CALCOCO2: variants seen among roughly 807,000 people sequenced by gnomAD.
CALCOCO2 encodes calcium binding and coiled-coil domain 2, also known as calcium-binding and coiled-coil domain-containing protein 2.
CALCOCO2 carries 42 observed loss-of-function variants against 62.5 expected under a neutral mutation model. The observed-to-expected ratio is 0.67, with a 90% CI of 0.53 to 0.87. The LOEUF (loss-of-function observed/expected upper bound fraction) is 0.87, where lower values mean the gene tolerates loss of function less well. Among genes scored for constraint, CALCOCO2 ranks in the 40% least tolerant of loss-of-function variants. The pLI is 0.00. For synonymous variants in CALCOCO2, 167 were observed against 173.0 expected, an observed-to-expected ratio of 0.97 and a Z score of 0.27; for missense variants, 456 against 515.0, an observed-to-expected ratio of 0.89 and a Z score of 1.11.
intron 1 of CALCOCO2, among the ~76,000 whole-genome samples, chr17:48,832,461 T>C (rs2039828543): frequency 6.6e-6 from 1 of 152,254 alleles, no homozygotes; most frequent in Non-Finnish European, 1.5e-5. Flanking sequence ...TCCTTAATTA[T>C]TTTTAGATGA....
At chr17:48,836,343 A>C (rs2039890094) in intron 1 of CALCOCO2, among the ~76,000 whole-genome samples, 2 of 152,212 alleles carry the variant, frequency 1.3e-5, no homozygotes, top group Admixed American at 6.5e-5. Flanking sequence ...TTTAGAAAAG[A>C]GAAAGCTGAG....
intron 7 of CALCOCO2, 115 bp from the exon 8 acceptor site, chr17:48,852,384 TCAGTTGG>T (rs2040146273): frequency 1.3e-6 from 1 of 770,040 alleles, no homozygotes; most frequent in Non-Finnish European, 2.1e-6. Flanking sequence ...CTAATTTTAC[TCAGTTGG>T]CAGTTGGGAG....
At chr17:48,833,072 G>C (rs895207661) in intron 1 of CALCOCO2, among the ~76,000 whole-genome samples, 2 of 152,140 alleles carry the variant, frequency 1.3e-5, no homozygotes, top group African/African-American at 2.4e-5. Context: ...CAAATGGCTC[G>C]ATAATTTGAA....
Position 48,851,825 on chromosome 17 carries a change from T to A in CALCOCO2, c.702+197T>A, listed in dbSNP as rs372462932. 228 of 395,644 alleles carry A rather than the reference T, an allele frequency of 5.8e-4. 1 individual carries two copies. The highest frequency in any genetic ancestry group is 7.9e-4 in the African/African-American group (37 of 46,560). 24.5% of individuals were successfully genotyped at this position (395,644 alleles called of 1,614,324 possible). The stretch of plus-strand genomic sequence containing the variant: ...TCCACCCTACCCATGCCCCTGCTTT[T>A]AAAAAAAAAAAAATCATGATTCACA... On this transcript the variant is annotated intron_variant, in intron 7 of 12. Coordinates refer to ENST00000258947, the MANE Select transcript of CALCOCO2 (RefSeq NM_005831.5).
rs1213040927 is a variant in CALCOCO2 at position 48,863,345 on chromosome 17, G to A, written c.*340G>A. 1 of 291,732 alleles carries A rather than the reference G, an allele frequency of 3.4e-6. No homozygotes were observed. Among genetic ancestry groups the A allele is most frequent in the Non-Finnish European group, 6.8e-6 (1 of 147,806 alleles). 18.1% of individuals were successfully genotyped at this position (291,732 alleles called of 1,614,324 possible). On this transcript the variant is annotated 3_prime_UTR_variant, in exon 13 of 13. Transcript: ENST00000258947. Reference sequence around the variant, plus strand: ...TGATACTAAGTGATTAGTTTTCCAAGTTGTCCCACTGCCATTCAAAGTCAG... The same window carrying A: ...TGATACTAAGTGATTAGTTTTCCAAATTGTCCCACTGCCATTCAAAGTCAG...
At chr17:48,846,525 GT>G in intron 2 of CALCOCO2, 2 of 1,331,698 alleles carry the variant, frequency 1.5e-6, no homozygotes, top group Non-Finnish European at 2.1e-6. Context: ...GTGGCTAGAA[GT>G]TGTTTCCCTG....
intron 2 of CALCOCO2, among the ~76,000 whole-genome samples, chr17:48,845,066 G>A (rs2040028111): frequency 6.6e-6 from 1 of 151,984 alleles, no homozygotes; most frequent in South Asian, 2.1e-4. Context: ...AACCCAAGAG[G>A]CAGAGGTTGC....
chr17:48,846,223 G>A (rs1309016949), intron 2 of CALCOCO2: 10 of 560,316 alleles, frequency 1.8e-5, no homozygotes, highest in Admixed American at 6.7e-5. Context: ...TGCAACCTCT[G>A]CCTCCTGGGT....
At chr17:48,850,036 C>T (rs995966214) in intron 5 of CALCOCO2, among the ~76,000 whole-genome samples, 17 of 151,780 alleles carry the variant, frequency 1.1e-4, no homozygotes, top group African/African-American at 4.1e-4. Flanking sequence ...CGTGGTGGCT[C>T]ATGCCTGTAA....
chr17:48,849,415 G>A, intron 5 of CALCOCO2, 38 bp downstream of exon 5: 1 of 1,589,418 alleles, frequency 6.3e-7, no homozygotes, highest in Non-Finnish European at 8.6e-7. Context: ...GGAGCATGGA[G>A]ATCAGAATTG....
At chr17:48,858,058 A>ATAGAATAGAATAGAG in intron 10 of CALCOCO2, among the ~76,000 whole-genome samples, 1 of 143,408 alleles carries the variant, frequency 7.0e-6, no homozygotes, top group Middle Eastern at 3.6e-3. Flanking sequence ...ATAGAATAGA[A>ATAGAATAGAATAGAG]TAGAATAGAA....
At chr17:48,845,589 C>T (rs1404610445) in intron 2 of CALCOCO2, among the ~76,000 whole-genome samples, 4 of 151,424 alleles carry the variant, frequency 2.6e-5, no homozygotes, top group African/African-American at 4.9e-5. Flanking sequence ...ATTAGCCAGG[C>T]GTGGTGGCAC....
chr17:48,835,138 A>G (rs554253679), intron 1 of CALCOCO2, among the ~76,000 whole-genome samples: 13 of 152,314 alleles, frequency 8.5e-5, no homozygotes, highest in Admixed American at 8.5e-4. Flanking sequence ...TAATTTCCCA[A>G]GCCATTGTTG....
chr17:48,858,051 GAATAGAATAGAATAGAA>G (rs2040264679), intron 10 of CALCOCO2, among the ~76,000 whole-genome samples: 1 of 120,870 alleles, frequency 8.3e-6, no homozygotes, highest in Non-Finnish European at 1.8e-5. Flanking sequence ...ATAGAAAATA[GAATAGAATAGAATAGAA>G]TAGAATTTTA....
chr17:48,858,046 A>ATAGAATAGAG, intron 10 of CALCOCO2, among the ~76,000 whole-genome samples: 5 of 40,046 alleles, frequency 1.2e-4, no homozygotes, highest in Admixed American at 3.2e-4. Flanking sequence ...ATAGAATAGA[A>ATAGAATAGAG]AATAGAATAG....
chr17:48,846,323 A>C, intron 2 of CALCOCO2: 2 of 600,214 alleles, frequency 3.3e-6, no homozygotes, highest in Non-Finnish European at 5.8e-6. Context: ...TAATACATAC[A>C]AATATGTTAC....
intron 9 of CALCOCO2, among the ~76,000 whole-genome samples, chr17:48,853,736 G>A (rs994081155): frequency 3.3e-5 from 5 of 152,224 alleles, no homozygotes; most frequent in African/African-American, 9.6e-5. Context: ...AAATGTTTTA[G>A]AAAGTAGTTA....
rs910911082 is a variant in CALCOCO2 at position 48,848,202 on chromosome 17, G to A, written c.283+36G>A. 5.2e-6 allele frequency: 8 copies of A among 1,533,786 alleles called. No individual in the cohort carries two copies. The Admixed American group carries it at 8.4e-5, about 16-fold the overall frequency. On this transcript the variant is annotated intron_variant, in intron 3 of 12. Transcript: ENST00000258947. The stretch of plus-strand genomic sequence containing the variant: ...TACTGGATCAAAGGTGTTGAAGACA[G>A]TAGCCAAGACTAATTAATTCCCTTC...
intron 10 of CALCOCO2, among the ~76,000 whole-genome samples, chr17:48,858,054 T>TAGAAC (rs2040265296): frequency 7.9e-5 from 11 of 139,646 alleles, no homozygotes; most frequent in Non-Finnish European, 9.4e-5. Context: ...GAAAATAGAA[T>TAGAAC]AGAATAGAAT....
Sources: gnomAD v4.1 joint callset for allele counts (sites outside exome capture counted in the v4.1 genomes callset) on GRCh38, gnomAD v4.1.1 for gene constraint, MANE v1.5 for transcripts, NCBI Gene and HGNC (gene_info 2026-07-23, HGNC 2026-07-21) for gene names.